Variants in DPP6 observed in about 807,000 individuals in gnomAD.
DPP6 encodes the protein A-type potassium channel modulatory protein DPP6.
Under a neutral mutation model 122.6 loss-of-function variants are expected in DPP6, and 69 were observed. The observed-to-expected ratio is 0.56, with a 90% CI of 0.46 to 0.69. The LOEUF (loss-of-function observed/expected upper bound fraction) is 0.69, where lower values mean the gene tolerates loss of function less well. Among genes scored for constraint, DPP6 ranks in the 30% least tolerant of loss-of-function variants. The probability of loss-of-function intolerance (pLI) is 0.00; values close to 1 mark genes in which losing one functional copy is unlikely to be tolerated. For synonymous variants in DPP6, 418 were observed against 433.1 expected (o/e 0.97, Z 0.43); for missense variants, 928 against 1,116.9 (o/e 0.83, Z 2.41).
At chr7:154,198,623 A>G (rs1176099430) in intron 1 of DPP6, among the ~76,000 whole-genome samples, 2 of 152,124 alleles carry the variant, frequency 1.3e-5, no homozygotes, top group Non-Finnish European at 2.9e-5. Context: ...CTCACTTCAC[A>G]TATTTTAAAT....
chr7:154,558,067 A>G (rs1196555223), intron 4 of DPP6, among the ~76,000 whole-genome samples: 1 of 151,992 alleles, frequency 6.6e-6, no homozygotes, highest in African/African-American at 2.4e-5. Context: ...CACCTACATT[A>G]GGGATTTCTC....
At chr7:153,867,044 T>G in the DPP6 span, among the ~76,000 whole-genome samples, 1 of 152,358 alleles carries the variant, frequency 6.6e-6, no homozygotes, top group Admixed American at 6.5e-5. Context: ...GCTGTTTTTG[T>G]TACTGTAGCC....
chr7:154,339,222 T>C (rs1809701495), intron 1 of DPP6, among the ~76,000 whole-genome samples: 8 of 152,246 alleles, frequency 5.3e-5, no homozygotes, highest in Admixed American at 5.2e-4. Context: ...GTGCGTGCAA[T>C]GCATTGCAAA....
chr7:153,967,576 C>G (rs1462089545), intron 1 of DPP6, among the ~76,000 whole-genome samples: 2 of 152,156 alleles, frequency 1.3e-5, no homozygotes, highest in Admixed American at 1.3e-4. Flanking sequence ...GGGTGTTTCT[C>G]TGGCTCGTCG....
chr7:154,694,449 T>TA (rs1279775817), intron 7 of DPP6, among the ~76,000 whole-genome samples: 3 of 152,046 alleles, frequency 2.0e-5, no homozygotes, highest in Admixed American at 2.0e-4. Flanking sequence ...CCGTCTCCAC[T>TA]AAAAATACAA....
chr7:154,170,432 C>G (rs1797477132), intron 1 of DPP6, among the ~76,000 whole-genome samples: 1 of 152,216 alleles, frequency 6.6e-6, no homozygotes, highest in Non-Finnish European at 1.5e-5. Flanking sequence ...TCAAAATCAG[C>G]TCCCCTATCA....
intron 7 of DPP6, among the ~76,000 whole-genome samples, chr7:154,677,149 T>C (rs530988652): frequency 6.6e-5 from 10 of 152,376 alleles, no homozygotes; most frequent in Non-Finnish European, 1.0e-4. Context: ...TTACTACTTA[T>C]GCTATTATTC....
At chr7:154,072,257 T>G (rs1473904977) in intron 1 of DPP6, among the ~76,000 whole-genome samples, 38 of 152,280 alleles carry the variant, frequency 2.5e-4, no homozygotes, top group Non-Finnish European at 1.3e-4. Flanking sequence ...TTTCAGGATT[T>G]TCATGAGAAA....
rs539197972 is a variant in DPP6, at chr7:154,588,286, G to A, written c.627+21370G>A. ...CTCAGAGATGCAGCAATGGACCCTC[G>A]TGAATACTGAACTGATAATCATGGG... On this transcript the variant is annotated intron_variant, in intron 5 of 25. Coordinates refer to ENST00000377770, the MANE Select transcript of DPP6 (RefSeq NM_130797.4). 126 of 834,410 alleles carry A rather than the reference G, an allele frequency of 1.5e-4. 1 individual carries two copies. The East Asian group carries it at 2.8e-3, about 18-fold the overall frequency. The allele number at this position is 834,410 out of a possible 1,614,324, so 51.7% of individuals were successfully genotyped here.
rs564292270 is a variant in DPP6 at position 154,199,126 on chromosome 7, C to T, written c.243+146063C>T. Among the ~76,000 whole-genome samples, 16 of 152,012 alleles carry T rather than the reference C, an allele frequency of 1.1e-4. No homozygotes were observed. The South Asian group carries it at 1.2e-3, about 12-fold the overall frequency. On this transcript the variant is annotated intron_variant, in intron 1 of 25. Transcript: ENST00000377770. ...CCCTGGCCCCTGAGTCAAGTCCTCA[C>T]GTTCCCTTTTATTTCCTTCTCCCCT... is the stretch of plus-strand genomic sequence containing the variant.
intron 1 of DPP6, among the ~76,000 whole-genome samples, chr7:153,996,123 C>T (rs1257063782): frequency 6.6e-6 from 1 of 152,086 alleles, no homozygotes; most frequent in Non-Finnish European, 1.5e-5. Flanking sequence ...CTTGGTGGCA[C>T]TGGAGACTGC....
At chr7:153,856,796 C>T in the DPP6 span, among the ~76,000 whole-genome samples, 492 of 152,256 alleles carry the variant, frequency 3.2e-3, 1 homozygote, top group African/African-American at 0.011. Context: ...TTTTCAGGAT[C>T]GCCAAGGGCT....
At chr7:154,321,649 G>A (rs1807966267) in intron 1 of DPP6, among the ~76,000 whole-genome samples, 1 of 151,710 alleles carries the variant, frequency 6.6e-6, no homozygotes, top group South Asian at 2.1e-4. Flanking sequence ...GCCGGGCATA[G>A]TGGCGGGTGC....
chr7:154,645,316 C>T (rs1174692000), intron 6 of DPP6, among the ~76,000 whole-genome samples: 2 of 152,016 alleles, frequency 1.3e-5, no homozygotes, highest in African/African-American at 2.4e-5. Flanking sequence ...CCGCCCGCCT[C>T]GGCCTCCCAA....
At chr7:154,471,041 A>G (rs569423135) in intron 2 of DPP6, among the ~76,000 whole-genome samples, 2 of 152,242 alleles carry the variant, frequency 1.3e-5, no homozygotes, top group Admixed American at 1.3e-4. Flanking sequence ...ACCTGAGGTC[A>G]GGAGTTCGAG....
intron 7 of DPP6, among the ~76,000 whole-genome samples, chr7:154,701,114 C>A (rs1341668782): frequency 2.6e-5 from 4 of 152,156 alleles, no homozygotes; most frequent in Admixed American, 1.3e-4. Context: ...TTCCTATGAT[C>A]CTCCAGGATC....
chr7:154,052,120 T>G (rs556299238), upstream of DPP6, among the ~76,000 whole-genome samples: 4,802 of 139,120 alleles, frequency 0.035, 137 homozygotes, highest in African/African-American at 0.051. This position sits in a 1 kb window ranked among gnomAD's most constrained non-coding sequence, Gnocchi z 4.8. Flanking sequence ...TGCGGGGCAC[T>G]CGCAGCACTA....
chr7:153,823,582 TCA>T, the DPP6 span, among the ~76,000 whole-genome samples: 2 of 136,482 alleles, frequency 1.5e-5, no homozygotes, highest in African/African-American at 2.8e-5. Flanking sequence ...TAATTTCCAC[TCA>T]CAGTTTTGCC....
rs142228637 is a variant in DPP6 at position 154,186,764 on chromosome 7, G to A, written c.243+133701G>A. 3.5e-4 allele frequency among the ~76,000 whole-genome samples: 54 copies of A among 152,314 alleles called. No individual in the cohort carries two copies. The East Asian group carries it at 9.1e-3, about 26-fold the overall frequency. ...TTTAAATGGGTGATATAATTACTCG[G>A]TTGTCTCAATTCTGAATTATTCATT... On this transcript the variant is annotated intron_variant, in intron 1 of 25. Coordinates refer to ENST00000377770, the MANE Select transcript of DPP6 (RefSeq NM_130797.4).
Sources: allele counts gnomAD v4.1 joint callset (sites outside exome capture counted in the v4.1 genomes callset), GRCh38; gene constraint gnomAD v4.1.1; non-coding constraint Gnocchi (gnomAD v3.1); transcripts MANE v1.5; gene names NCBI Gene and HGNC (gene_info 2026-07-23, HGNC 2026-07-21).